TPO: variants seen among roughly 807,000 people sequenced by gnomAD.
The protein encoded by TPO is thyroid microsomal antigen.
A neutral mutation model predicts 96.9 loss-of-function variants in TPO; 78 were observed. The observed-to-expected ratio is 0.81, with a 90% CI of 0.67 to 0.97. The LOEUF is 0.97. Among genes scored for constraint, TPO ranks in the 50% least tolerant of loss-of-function variants. The probability of loss-of-function intolerance (pLI) is 0.00; values close to 1 mark genes in which losing one functional copy is unlikely to be tolerated. For synonymous variants in TPO, 547 were observed against 538.0 expected, an observed-to-expected ratio of 1.02 and a Z score of -0.23; for missense variants, 1,252 against 1,274.8, an observed-to-expected ratio of 0.98 and a Z score of 0.27.
intron 5 of TPO, among the ~76,000 whole-genome samples, chr2:1,450,031 C>T (rs1346398990): frequency 1.3e-5 from 2 of 152,180 alleles, no homozygotes; most frequent in Non-Finnish European, 2.9e-5. Flanking sequence ...AATGAATCCT[C>T]GCACACCTGG....
At chr2:1,481,763 C>A (rs1473231178) in intron 8 of TPO, among the ~76,000 whole-genome samples, 1 of 152,182 alleles carries the variant, frequency 6.6e-6, no homozygotes, top group Non-Finnish European at 1.5e-5. Context: ...CTGTTGCTGC[C>A]CCACCCAGGC....
At chr2:1,489,129 ACACATGACCAG>A (rs905686768) in intron 10 of TPO, among the ~76,000 whole-genome samples, 5 of 143,702 alleles carry the variant, frequency 3.5e-5, no homozygotes, top group African/African-American at 1.1e-4. Flanking sequence ...GCACATGCCC[ACACATGACCAG>A]CACATGCCCA....
intron 10 of TPO, among the ~76,000 whole-genome samples, chr2:1,489,224 TGCACATGCCCA>T (rs1671478115): frequency 7.4e-6 from 1 of 135,050 alleles, no homozygotes; most frequent in Non-Finnish European, 1.6e-5. Flanking sequence ...AGCACACGCC[TGCACATGCCCA>T]GCACATGCCT....
rs111740107 is a variant in TPO, at chr2:1,435,315, G to C, written c.350-937G>C. On this transcript the variant is annotated intron_variant, in intron 4 of 16. Coordinates refer to ENST00000329066, the MANE Select transcript of TPO (RefSeq NM_001206744.2). ...TCCTGTCAAGAAGAATCTGTGCTCA[G>C]CTTTTTGAAGAATGCGTAATCCTCC... Among the ~76,000 whole-genome samples the C allele has an allele frequency of 8.7e-3, 1,320 of 152,308 alleles. 6 individuals carry two copies. Among genetic ancestry groups the C allele is most frequent in the Non-Finnish European group, 0.012 (788 of 68,026 alleles).
chr2:1,477,560 G>A lies in TPO; in HGVS notation c.1294G>A (p.Ala432Thr), dbSNP rs886054900. ...KALNAHWSAD[A>T]VYQEARKVVG... ...CCTCAATGCGCACTGGAGCGCGGACGCCGTGTACCAGGAGGCGCGCAAGGT... is the reference window on the plus strand; with the variant it reads ...CCTCAATGCGCACTGGAGCGCGGACACCGTGTACCAGGAGGCGCGCAAGGT... Residue 432 changes from alanine to threonine, a missense_variant, in exon 8 of 17, where the codon GCC (alanine) becomes ACC (threonine). Transcript: ENST00000329066. 27 of 1,536,344 alleles carry A rather than the reference G, an allele frequency of 1.8e-5. No individual in the cohort carries two copies. Among genetic ancestry groups the A allele is most frequent in the African/African-American group, 4.2e-5 (3 of 72,020 alleles).
At chr2:1,477,972 C>T (rs1670146961) in intron 8 of TPO, 5 of 985,288 alleles carry the variant, frequency 5.1e-6, no homozygotes, top group Non-Finnish European at 4.8e-6. Context: ...TTTCCCGGTG[C>T]GCACAGCCAA....
intron 2 of TPO, among the ~76,000 whole-genome samples, chr2:1,421,141 C>T (rs146603469): frequency 1.3e-3 from 201 of 152,198 alleles, no homozygotes; most frequent in African/African-American, 3.3e-3. Flanking sequence ...CCACAGTGAC[C>T]GAGGCTGAGA....
intron 9 of TPO, 55 bp from the exon 10 acceptor site, chr2:1,487,766 G>T: frequency 6.2e-7 from 1 of 1,600,562 alleles, no homozygotes. Flanking sequence ...AGATATTGTT[G>T]TTTCTCTAGA....
At chr2:1,413,335 G>C (rs1198493501), upstream of TPO, 1 of 152,056 alleles carries the variant, frequency 6.6e-6, no homozygotes, top group African/African-American at 2.4e-5. Flanking sequence ...CAAGAGGCCC[G>C]GCGCAAACAC....
chr2:1,486,211 G>T (rs766728950), intron 9 of TPO, among the ~76,000 whole-genome samples: 8 of 152,244 alleles, frequency 5.3e-5, no homozygotes, highest in Middle Eastern at 3.4e-3. Context: ...AAATAAATGT[G>T]TTTAAAGCAT....
intron 1 of TPO, among the ~76,000 whole-genome samples, chr2:1,379,259 C>T (rs551026398): frequency 1.3e-3 from 196 of 151,900 alleles, no homozygotes; most frequent in Middle Eastern, 6.8e-3. Flanking sequence ...GAGCCGAGGT[C>T]GCGCCACTGC....
At position 1,542,811 on chromosome 2, in the gene TPO, G is replaced by A. The variant is rs1199218894; in HGVS notation, c.*337G>A. On this transcript the variant is annotated 3_prime_UTR_variant, in exon 17 of 17. Coordinates refer to ENST00000329066, the MANE Select transcript of TPO (RefSeq NM_001206744.2). ...TTCTGGCATCTCTGATGCCGTGCTC[G>A]TCTGCACTCTGCCCCGGCGGTCCCT... The A allele has an allele frequency of 3.7e-5, 19 of 511,366 alleles. No individual in the cohort carries two copies. The highest frequency in any genetic ancestry group is 5.4e-5 in the Non-Finnish European group (16 of 297,510). The allele number at this position is 511,366 out of a possible 1,614,324, so 31.7% of individuals were successfully genotyped here.
intron 5 of TPO, among the ~76,000 whole-genome samples, chr2:1,448,833 C>A (rs541611063): frequency 3.0e-4 from 45 of 152,256 alleles, no homozygotes; most frequent in African/African-American, 1.1e-3. Context: ...CTCACACCCT[C>A]GATGATGAAT....
intron 10 of TPO, among the ~76,000 whole-genome samples, chr2:1,492,801 G>C (rs1340264438): frequency 6.6e-6 from 1 of 152,188 alleles, no homozygotes; most frequent in Non-Finnish European, 1.5e-5. Context: ...GACAGTCTTA[G>C]CTAAAGCACC....
intron 16 of TPO, 118 bp downstream of exon 16, chr2:1,540,841 G>T: frequency 6.3e-7 from 1 of 1,579,672 alleles, no homozygotes; most frequent in Non-Finnish European, 8.6e-7. Context: ...GTGTTTCCTA[G>T]TCCGTTCTGC....
intron 7 of TPO, among the ~76,000 whole-genome samples, chr2:1,475,667 C>T (rs983286473): frequency 2.6e-5 from 4 of 152,144 alleles, no homozygotes; most frequent in African/African-American, 9.7e-5. Context: ...TCGTGATCCG[C>T]CCACCTCGGC....
intron 15 of TPO, among the ~76,000 whole-genome samples, chr2:1,517,940 TCC>T (rs28913017): frequency 2.7e-5 from 4 of 150,170 alleles, no homozygotes; most frequent in Admixed American, 2.0e-4. Flanking sequence ...AGTGCCAGGC[TCC>T]CCCCCCCAAT....
intron 15 of TPO, among the ~76,000 whole-genome samples, chr2:1,538,681 A>C (rs1680362585): frequency 6.6e-6 from 1 of 152,090 alleles, no homozygotes; most frequent in Admixed American, 6.6e-5. Context: ...TTTACTTGGG[A>C]TATTGAGAGG....
At chr2:1,498,236 AC>A (rs1672549295) in intron 13 of TPO, among the ~76,000 whole-genome samples, 1 of 152,170 alleles carries the variant, frequency 6.6e-6, no homozygotes, top group African/African-American at 2.4e-5. Context: ...AGAGGCTGAG[AC>A]CCTGTGTGCA....
Sources: allele counts gnomAD v4.1 joint callset (sites outside exome capture counted in the v4.1 genomes callset), GRCh38; gene constraint gnomAD v4.1.1; transcripts MANE v1.5; gene names NCBI Gene and HGNC (gene_info 2026-07-23, HGNC 2026-07-21).